GNB1: variants seen among roughly 807,000 people sequenced by gnomAD.
GNB1 encodes the protein guanine nucleotide-binding protein G(I)/G(S)/G(T) subunit beta-1.
GNB1 carries 2 observed loss-of-function variants against 42.9 expected under a neutral mutation model. The ratio of observed to expected loss-of-function variants is 0.05; its 90% confidence interval spans 0.02 to 0.15. GNB1 has a LOEUF of 0.15. Among genes scored for constraint, GNB1 ranks in the 10% least tolerant of loss-of-function variants. The pLI is 1.00. For missense variants in GNB1, 193 were observed against 462.2 expected (o/e 0.42, Z 5.34); for synonymous variants, 183 against 174.7 (o/e 1.05, Z -0.38).
chr1:1,881,586 G>C (rs556635389), intron 1 of GNB1, among the ~76,000 whole-genome samples: 4 of 152,052 alleles, frequency 2.6e-5, no homozygotes, highest in Non-Finnish European at 5.9e-5. Flanking sequence ...GTTTAGTAGA[G>C]ACAAGGTTTC....
At chr1:1,824,495 G>A (rs138114673) in intron 3 of GNB1, among the ~76,000 whole-genome samples, 2 of 152,186 alleles carry the variant, frequency 1.3e-5, no homozygotes, top group East Asian at 1.9e-4. Flanking sequence ...GTCACAGACT[G>A]GAATTTAATG....
intron 5 of GNB1, among the ~76,000 whole-genome samples, chr1:1,811,842 G>A (rs1364009028): frequency 6.6e-6 from 1 of 151,998 alleles, no homozygotes. Flanking sequence ...GAGGTGGGCA[G>A]ATCATGAGGT....
At chr1:1,846,624 G>C (rs535768813) in intron 1 of GNB1, among the ~76,000 whole-genome samples, 3 of 152,108 alleles carry the variant, frequency 2.0e-5, no homozygotes, top group African/African-American at 7.2e-5. Context: ...TGACAGCCTT[G>C]AACAGCTCAC....
chr1:1,807,273 T>C (rs575055499), intron 5 of GNB1, among the ~76,000 whole-genome samples: 1 of 151,926 alleles, frequency 6.6e-6, no homozygotes, highest in South Asian at 2.1e-4. Context: ...GGCCTCATGC[T>C]AGCATGGTAA....
intron 1 of GNB1, among the ~76,000 whole-genome samples, chr1:1,854,519 T>C (rs1053697193): frequency 2.0e-5 from 3 of 152,134 alleles, no homozygotes; most frequent in African/African-American, 7.2e-5. Context: ...GGGACCACAA[T>C]GAAGCAGCAG....
At chr1:1,815,496 G>A (rs1172195625) in intron 5 of GNB1, among the ~76,000 whole-genome samples, 3 of 152,216 alleles carry the variant, frequency 2.0e-5, no homozygotes, top group Non-Finnish European at 4.4e-5. Flanking sequence ...GACAGGAGAA[G>A]GGAGAAAGAA....
intron 1 of GNB1, among the ~76,000 whole-genome samples, chr1:1,858,247 G>A (rs958275856): frequency 5.3e-5 from 8 of 152,184 alleles, no homozygotes; most frequent in Non-Finnish European, 1.0e-4. Flanking sequence ...TCCAATAAAG[G>A]CAGTCACTTG....
At position 1,869,185 on chromosome 1, in the gene GNB1, C is replaced by CAAAAA. The variant is rs71578347; in HGVS notation, c.-96+21630_-96+21634dup. ...TGGGCAACAGAGCAAGACACCTTCT[C>CAAAAA]AAAAAAAAAAAAAAAAAAAAAAAAA... On this transcript the variant is annotated intron_variant, in intron 1 of 11. Transcript: ENST00000378609. Among the ~76,000 whole-genome samples, 27 of 26,744 alleles carry CAAAAA rather than the reference C, an allele frequency of 1.0e-3. 2 individuals are homozygous for CAAAAA. Among genetic ancestry groups the CAAAAA allele is most frequent in the African/African-American group, 3.1e-3 (24 of 7,784 alleles). The allele number at this position is 26,744 out of a possible 152,430, so 17.5% of individuals were successfully genotyped here.
intron 7 of GNB1, among the ~76,000 whole-genome samples, chr1:1,802,855 T>C (rs148508591): frequency 6.6e-6 from 1 of 152,154 alleles, no homozygotes; most frequent in African/African-American, 2.4e-5. Context: ...AGTGATTCTA[T>C]TTGAAAAGGA....
At chr1:1,841,858 C>CA (rs925798698) in intron 1 of GNB1, among the ~76,000 whole-genome samples, 2 of 152,122 alleles carry the variant, frequency 1.3e-5, no homozygotes, top group Admixed American at 1.3e-4. Context: ...GGTATATTCC[C>CA]AAAAGAACTG....
At chr1:1,876,233 G>A (rs905407307) in intron 1 of GNB1, among the ~76,000 whole-genome samples, 2 of 152,194 alleles carry the variant, frequency 1.3e-5, no homozygotes, top group Non-Finnish European at 2.9e-5. Context: ...CTAACATTGT[G>A]TCATTTCTGA....
intron 7 of GNB1, among the ~76,000 whole-genome samples, chr1:1,794,387 G>T (rs556936067): frequency 6.6e-6 from 1 of 152,224 alleles, no homozygotes; most frequent in South Asian, 2.1e-4. Flanking sequence ...CACAGTTCTG[G>T]TATTTACTGT....
At chr1:1,849,487 G>A (rs1570711944) in intron 1 of GNB1, among the ~76,000 whole-genome samples, 1 of 152,230 alleles carries the variant, frequency 6.6e-6, no homozygotes, top group East Asian at 1.9e-4. Flanking sequence ...GCTCACTGCA[G>A]CCTCAACCTC....
intron 7 of GNB1, among the ~76,000 whole-genome samples, chr1:1,800,566 G>A (rs1324126983): frequency 6.6e-6 from 1 of 152,118 alleles, no homozygotes; most frequent in Non-Finnish European, 1.5e-5. Context: ...GCACAGATGC[G>A]TGTGTATTGC....
At position 1,788,847 on chromosome 1, in the gene GNB1, A is replaced by G. The variant is rs1317986290; in HGVS notation, c.916+206T>C. The G allele has an allele frequency of 7.3e-6, 4 of 545,814 alleles. No individual in the cohort carries two copies. In the South Asian group the frequency reaches 8.3e-5, roughly 11 times the overall value. 33.8% of individuals were successfully genotyped at this position (545,814 alleles called of 1,614,324 possible). On this transcript the variant is annotated intron_variant, in intron 10 of 11. Coordinates refer to ENST00000378609, the MANE Select transcript of GNB1 (RefSeq NM_002074.5). ...CTCTCCCCAGAGCCCTCCCCGACGCATGTGGGAAGATCTGCTGGTACTCCT... is the reference window on the plus strand; with the variant it reads ...CTCTCCCCAGAGCCCTCCCCGACGCGTGTGGGAAGATCTGCTGGTACTCCT...
At chr1:1,882,674 G>A (rs1649918231) in intron 1 of GNB1, among the ~76,000 whole-genome samples, 1 of 152,062 alleles carries the variant, frequency 6.6e-6, no homozygotes, top group Admixed American at 6.5e-5. Context: ...TGTAATCCCA[G>A]CACTTTGGGA....
chr1:1,878,900 G>A (rs186882918), intron 1 of GNB1, among the ~76,000 whole-genome samples: 3 of 152,198 alleles, frequency 2.0e-5, no homozygotes, highest in African/African-American at 4.8e-5. Context: ...TACCACTGAC[G>A]AATCCATCTC....
intron 4 of GNB1, among the ~76,000 whole-genome samples, chr1:1,817,521 G>A (rs753663970): frequency 3.9e-5 from 6 of 152,130 alleles, no homozygotes; most frequent in Admixed American, 6.6e-5. Context: ...TTGGATATTA[G>A]AAATAGAAGT....
chr1:1,856,669 G>T (rs897790755), intron 1 of GNB1, among the ~76,000 whole-genome samples: 1 of 151,296 alleles, frequency 6.6e-6, no homozygotes, highest in Non-Finnish European at 1.5e-5. Context: ...CTTGTGATCC[G>T]CCCGCCTTGG....
Sources: allele counts gnomAD v4.1 joint callset (sites outside exome capture counted in the v4.1 genomes callset), GRCh38; gene constraint gnomAD v4.1.1; transcripts MANE v1.5; gene names NCBI Gene and HGNC (gene_info 2026-07-23, HGNC 2026-07-21).